The following SMYD3 variants were observed in gnomAD, a reference collection of about 807,000 sequenced individuals.
SMYD3 encodes SET and MYND domain containing 3, also known as histone-lysine N-methyltransferase SMYD3.
In SMYD3, 36 loss-of-function variants were observed where a neutral mutation model predicts 57.7. The observed-to-expected ratio is 0.62, with a 90% CI of 0.48 to 0.82. The LOEUF is 0.82. Ranked by LOEUF, SMYD3 falls within the 40% of genes least tolerant of loss-of-function variation. The pLI is 0.00. For missense variants in SMYD3, 515 were observed against 538.8 expected, an observed-to-expected ratio of 0.96 and a Z score of 0.44; for synonymous variants, 211 against 195.0, an observed-to-expected ratio of 1.08 and a Z score of -0.68.
intron 10 of SMYD3, among the ~76,000 whole-genome samples, chr1:245,781,346 G>GT (rs1415312528): frequency 6.6e-6 from 1 of 152,194 alleles, no homozygotes; most frequent in Non-Finnish European, 1.5e-5. Context: ...GACAGATTAA[G>GT]TAACTTGCTA....
At chr1:246,326,262 G>C (rs187716257) in intron 5 of SMYD3, 59 of 506,590 alleles carry the variant, frequency 1.2e-4, no homozygotes, top group African/African-American at 9.7e-4. Flanking sequence ...TTATTAAATT[G>C]TGATCAACAT....
intron 5 of SMYD3, among the ~76,000 whole-genome samples, chr1:246,008,815 A>G (rs543459490): frequency 5.9e-5 from 9 of 152,126 alleles, no homozygotes; most frequent in Non-Finnish European, 1.2e-4. Context: ...CATCCCTATT[A>G]AGACACTAAA....
intron 5 of SMYD3, among the ~76,000 whole-genome samples, chr1:246,084,704 T>G (rs73137902): frequency 0.044 from 6,739 of 152,310 alleles, 183 homozygotes; most frequent in African/African-American, 0.065. Flanking sequence ...TTTTGATATC[T>G]TAAAGTTTTG....
At chr1:246,230,384 C>A (rs141183601) in intron 5 of SMYD3, among the ~76,000 whole-genome samples, 1 of 151,964 alleles carries the variant, frequency 6.6e-6, no homozygotes, top group East Asian at 1.9e-4. Flanking sequence ...AGAAAATAAG[C>A]GAAAATAAAT....
chr1:246,166,670 G>A (rs1028244176), intron 5 of SMYD3, among the ~76,000 whole-genome samples: 1 of 152,170 alleles, frequency 6.6e-6, no homozygotes, highest in Non-Finnish European at 1.5e-5. Context: ...CTATCACAGT[G>A]TTTGTTTAAC....
intron 5 of SMYD3, among the ~76,000 whole-genome samples, chr1:245,947,930 G>A (rs1040847296): frequency 6.6e-6 from 1 of 152,098 alleles, no homozygotes; most frequent in African/African-American, 2.4e-5. Context: ...TTCTTTACTT[G>A]GCCAAACTCA....
chr1:245,789,434 C>T (rs1036982625), intron 10 of SMYD3, among the ~76,000 whole-genome samples: 4 of 151,792 alleles, frequency 2.6e-5, no homozygotes, highest in African/African-American at 9.7e-5. Flanking sequence ...GGAAATATTC[C>T]AATAAAAAAA....
chr1:246,444,396 T>A (rs779857547), intron 1 of SMYD3, among the ~76,000 whole-genome samples: 3 of 152,108 alleles, frequency 2.0e-5, no homozygotes, highest in Non-Finnish European at 4.4e-5. Flanking sequence ...AGTGCTGGGA[T>A]TACAGGCATG....
chr1:246,432,436 T>A (rs1281433819), intron 1 of SMYD3, among the ~76,000 whole-genome samples: 1 of 152,210 alleles, frequency 6.6e-6, no homozygotes, highest in African/African-American at 2.4e-5. Flanking sequence ...TTTATAAAAG[T>A]TAATTAGAGG....
intron 1 of SMYD3, among the ~76,000 whole-genome samples, chr1:246,404,435 T>G (rs1328239309): frequency 6.6e-6 from 1 of 152,224 alleles, no homozygotes; most frequent in Non-Finnish European, 1.5e-5. Flanking sequence ...GGCACCCACC[T>G]GCTAGACAAA....
At chr1:246,354,899 A>C in intron 2 of SMYD3, 132 bp downstream of exon 2, 1 of 755,382 alleles carries the variant, frequency 1.3e-6, no homozygotes, top group Non-Finnish European at 2.2e-6. Context: ...TGTGTGACTC[A>C]GCAGGTGAAT....
intron 5 of SMYD3, among the ~76,000 whole-genome samples, chr1:246,124,292 G>A (rs1478566764): frequency 6.6e-6 from 1 of 152,026 alleles, no homozygotes; most frequent in Non-Finnish European, 1.5e-5. Flanking sequence ...TGTAAAATGT[G>A]GAGTTGGCCA....
intron 1 of SMYD3, among the ~76,000 whole-genome samples, chr1:246,477,244 T>C (rs1192264701): frequency 1.3e-5 from 2 of 152,222 alleles, no homozygotes; most frequent in African/African-American, 4.8e-5. Flanking sequence ...TCCCACCTTA[T>C]AAGATACTTA....
chr1:246,190,357 A>T (rs552834798), intron 5 of SMYD3, among the ~76,000 whole-genome samples: 1 of 152,128 alleles, frequency 6.6e-6, no homozygotes, highest in Non-Finnish European at 1.5e-5. Flanking sequence ...GAGGCCAAGG[A>T]GGGTGGATCA....
intron 5 of SMYD3, among the ~76,000 whole-genome samples, chr1:246,263,673 T>C (rs1184526870): frequency 6.6e-6 from 1 of 152,206 alleles, no homozygotes; most frequent in African/African-American, 2.4e-5. Context: ...ATGGGAAAAT[T>C]ACTGATTTCT....
At chr1:246,465,456 C>T (rs1444726168) in intron 1 of SMYD3, among the ~76,000 whole-genome samples, 1 of 152,220 alleles carries the variant, frequency 6.6e-6, no homozygotes, top group Non-Finnish European at 1.5e-5. Flanking sequence ...CCACTAATAA[C>T]TCCTCGATGA....
intron 5 of SMYD3, among the ~76,000 whole-genome samples, chr1:246,058,845 A>C (rs1024646607): frequency 6.6e-6 from 1 of 152,104 alleles, no homozygotes; most frequent in Non-Finnish European, 1.5e-5. Flanking sequence ...TCTCATAGTT[A>C]ACAAAGGTGC....
chr1:245,787,467 A>G (rs928709786), intron 10 of SMYD3, among the ~76,000 whole-genome samples: 1 of 152,146 alleles, frequency 6.6e-6, no homozygotes, highest in Non-Finnish European at 1.5e-5. Context: ...TAGTTCTGAC[A>G]AGTTTTCTCT....
At position 246,395,613 on chromosome 1, in the gene SMYD3, CATGGCTGGACAGGGAAG is replaced by C. The variant is rs1558442730; in HGVS notation, c.165-40536_165-40520del. Among the ~76,000 whole-genome samples the C allele has an allele frequency of 9.2e-3, 299 of 32,480 alleles. 1 individual carries two copies. Among genetic ancestry groups the C allele is most frequent in the African/African-American group, 0.036 (272 of 7,582 alleles). The allele number at this position is 32,480 out of a possible 152,430, so 21.3% of individuals were successfully genotyped here. On this transcript the variant is annotated intron_variant, in intron 1 of 11. Transcript: ENST00000490107. The stretch of plus-strand genomic sequence containing the variant: ...GGTCAGACAGGGAAGAGGAACCCAC[CATGGCTGGACAGGGAAG>C]ACGAACACACCACAGTCAGACAGGG...
Sources: allele counts gnomAD v4.1 joint callset (sites outside exome capture counted in the v4.1 genomes callset), GRCh38; gene constraint gnomAD v4.1.1; transcripts MANE v1.5; gene names NCBI Gene and HGNC (gene_info 2026-07-23, HGNC 2026-07-21).